EDAR: variants seen among roughly 807,000 people sequenced by gnomAD.
EDAR encodes tumor necrosis factor receptor superfamily member EDAR.
EDAR carries 38 observed loss-of-function variants against 51.3 expected under a neutral mutation model. The observed-to-expected ratio is 0.74, with a 90% confidence interval of 0.57 to 0.97. The LOEUF is 0.97. Among genes scored for constraint, EDAR ranks in the 50% least tolerant of loss-of-function variants. EDAR has a pLI of 0.00. For synonymous variants in EDAR, 227 were observed against 242.1 expected (o/e 0.94, Z 0.58); for missense variants, 528 against 595.0 (o/e 0.89, Z 1.17).
At chr2:108,962,906 G>T (rs1367106991) in intron 1 of EDAR, among the ~76,000 whole-genome samples, 1 of 152,110 alleles carries the variant, frequency 6.6e-6, no homozygotes, top group Non-Finnish European at 1.5e-5. Context: ...CAAGAGATCT[G>T]CAGACAATCC....
chr2:108,964,899 G>A (rs779821477), intron 1 of EDAR, among the ~76,000 whole-genome samples: 1 of 152,082 alleles, frequency 6.6e-6, no homozygotes, highest in African/African-American at 2.4e-5. Flanking sequence ...ATAACAGCAC[G>A]TCTGGAATAA....
At chr2:108,916,723 TGGG>T (rs1697035398) in intron 5 of EDAR, among the ~76,000 whole-genome samples, 2 of 152,064 alleles carry the variant, frequency 1.3e-5, no homozygotes, top group Non-Finnish European at 2.9e-5. Context: ...GGGGGCAAGA[TGGG>T]TGGGATGGTG....
intron 1 of EDAR, among the ~76,000 whole-genome samples, chr2:108,986,934 T>C (rs1698509453): frequency 6.6e-6 from 1 of 152,162 alleles, no homozygotes; most frequent in African/African-American, 2.4e-5. Context: ...AGTTAATTAA[T>C]GATACTATTG....
At chr2:108,910,676 C>A in intron 8 of EDAR, 100 bp downstream of exon 8, 1 of 1,456,780 alleles carries the variant, frequency 6.9e-7, no homozygotes, top group Non-Finnish European at 9.6e-7. Context: ...TATGGTTCAG[C>A]ATGTGAGAGC....
In EDAR at chr2:108,931,043, T is replaced by C. The variant is rs1272627346; in HGVS notation, c.-18-11A>G. 2.5e-6 allele frequency: 4 copies of C among 1,613,388 alleles called. No individual in the cohort carries two copies. Among genetic ancestry groups the C allele is most frequent in the East Asian group, 2.2e-5 (1 of 44,878 alleles). On this transcript the variant is annotated splice_polypyrimidine_tract_variant and intron_variant, in intron 1 of 11. Transcript: ENST00000258443. ...CTCCCAAGGGCTCACCTGAAAGACA[T>C]GCGTCATTAGCTGGGCACTGGCGGT...
intron 1 of EDAR, among the ~76,000 whole-genome samples, chr2:108,960,778 G>A (rs552879349): frequency 1.8e-4 from 27 of 152,242 alleles, no homozygotes; most frequent in African/African-American, 6.3e-4. Context: ...TATATCATAA[G>A]GAGTCATATC....
At chr2:108,955,486 A>G (rs908698950) in intron 1 of EDAR, among the ~76,000 whole-genome samples, 6 of 152,170 alleles carry the variant, frequency 3.9e-5, no homozygotes, top group African/African-American at 1.4e-4. Flanking sequence ...AGTGGCTCAC[A>G]CCTGTAATCC....
rs1223572016 is a variant in EDAR, at chr2:108,947,623, C to T, written c.-18-16591G>A. Among the ~76,000 whole-genome samples, 3 of 152,230 alleles carry T rather than the reference C, an allele frequency of 2.0e-5. No individual in the cohort carries two copies. The East Asian group carries it at 5.8e-4, about 29-fold the overall frequency. On this transcript the variant is annotated intron_variant, in intron 1 of 11. Coordinates refer to ENST00000258443, the MANE Select transcript of EDAR (RefSeq NM_022336.4). Reference sequence around the variant, plus strand: ...CAACACCAAGTGGAAGTTGCCAAGGCTTGGGACTTGCACCCTCTGAAGCAA... The same window carrying T: ...CAACACCAAGTGGAAGTTGCCAAGGTTTGGGACTTGCACCCTCTGAAGCAA...
intron 1 of EDAR, among the ~76,000 whole-genome samples, chr2:108,932,528 C>CAAAAAAAAAAAAAAAA (rs1171012818): frequency 2.6e-5 from 1 of 39,156 alleles, no homozygotes; most frequent in Admixed American, 2.6e-4. Flanking sequence ...GACTCTGTCT[C>CAAAAAAAAAAAAAAAA]AAAAAAAAAA....
At chr2:108,963,865 C>T (rs1698099925) in intron 1 of EDAR, among the ~76,000 whole-genome samples, 2 of 152,126 alleles carry the variant, frequency 1.3e-5, no homozygotes, top group African/African-American at 2.4e-5. Context: ...TGGAGAGACA[C>T]CCACACACTC....
chr2:108,914,121 A>G (rs1012454947), intron 5 of EDAR, among the ~76,000 whole-genome samples: 2 of 151,356 alleles, frequency 1.3e-5, no homozygotes, highest in Non-Finnish European at 2.9e-5. Flanking sequence ...TTAGCCAGGC[A>G]TGATGGCGCA....
At position 108,910,763 on chromosome 2, in the gene EDAR, C is replaced by G. The variant is rs1553445663; in HGVS notation, c.730+13G>C. The G allele has an allele frequency of 1.2e-6, 2 of 1,612,460 alleles. No individual in the cohort carries two copies. The highest frequency in any genetic ancestry group is 1.7e-6 in the Non-Finnish European group (2 of 1,179,966). On this transcript the variant is annotated intron_variant, in intron 8 of 11. Coordinates refer to ENST00000258443, the MANE Select transcript of EDAR (RefSeq NM_022336.4). ...ACCGTGCACATGGTGTGTGGAAGCCCTGGTTCACAGACCTGGGGCCTCTTT... is the reference window on the plus strand; with the variant it reads ...ACCGTGCACATGGTGTGTGGAAGCCGTGGTTCACAGACCTGGGGCCTCTTT...
intron 1 of EDAR, among the ~76,000 whole-genome samples, chr2:108,936,944 T>C (rs1168043116): frequency 1.3e-5 from 2 of 152,228 alleles, no homozygotes; most frequent in East Asian, 3.9e-4. Context: ...ATTTCCATTT[T>C]GCACTGGGTC....
In EDAR at chr2:108,929,186, G is replaced by T; in HGVS notation, c.356+12C>A. 6.2e-7 allele frequency: 1 copy of T among 1,613,748 alleles called. No homozygotes were observed. Among genetic ancestry groups the T allele is most frequent in the Non-Finnish European group, 8.5e-7 (1 of 1,179,948 alleles). ...AAGCATGCCAGGGTTTGCCAGGAGGGCCTGTGCTTACCCAGGGAGGCAAGG... is the reference window on the plus strand; with the variant it reads ...AAGCATGCCAGGGTTTGCCAGGAGGTCCTGTGCTTACCCAGGGAGGCAAGG... On this transcript the variant is annotated intron_variant, in intron 4 of 11. Coordinates refer to ENST00000258443, the MANE Select transcript of EDAR (RefSeq NM_022336.4).
chr2:108,934,111 G>A lies in EDAR; in HGVS notation c.-18-3079C>T, dbSNP rs187487635. Among the ~76,000 whole-genome samples the A allele has an allele frequency of 4.0e-3, 603 of 152,274 alleles. 2 individuals are homozygous for A. The highest frequency in any genetic ancestry group is 6.5e-3 in the Non-Finnish European group (444 of 68,020). The stretch of plus-strand genomic sequence containing the variant: ...CAACCAGGAGCACTTATCGAAAGGC[G>A]CAATTAAAACGTTCCCAGGTAAACC... On this transcript the variant is annotated intron_variant, in intron 1 of 11. Transcript: ENST00000258443.
intron 6 of EDAR, 30 bp downstream of exon 6, chr2:108,912,648 A>G (rs1440329546): frequency 1.3e-6 from 2 of 1,547,880 alleles, no homozygotes; most frequent in Admixed American, 3.8e-5. Context: ...ACCTAACTCC[A>G]GGTGATCGAT....
rs139788581 is a variant in EDAR, at chr2:108,965,060, T to C, written c.-19+23900A>G. ...ACTTTAATATTCCTCCAAACATTTT[T>C]TAACTATGCCACCCACTTAGAAAAG... On this transcript the variant is annotated intron_variant, in intron 1 of 11. Coordinates refer to ENST00000258443, the MANE Select transcript of EDAR (RefSeq NM_022336.4). 2.7e-3 allele frequency among the ~76,000 whole-genome samples: 412 copies of C among 152,296 alleles called. 4 individuals carry two copies. Among genetic ancestry groups the C allele is most frequent in the African/African-American group, 9.2e-3 (384 of 41,562 alleles).
intron 1 of EDAR, among the ~76,000 whole-genome samples, chr2:108,966,156 C>T (rs1429517375): frequency 1.3e-5 from 2 of 152,222 alleles, no homozygotes; most frequent in South Asian, 2.1e-4. Flanking sequence ...TTGAAGCAAG[C>T]CTCTCCTCCT....
chr2:108,918,952 G>A (rs2105421079), intron 5 of EDAR, among the ~76,000 whole-genome samples: 1 of 152,324 alleles, frequency 6.6e-6, no homozygotes, highest in African/African-American at 2.4e-5. Flanking sequence ...ACTGTGGGCA[G>A]ACTCGCAGAG....
Sources: allele counts gnomAD v4.1 joint callset (sites outside exome capture counted in the v4.1 genomes callset), GRCh38; gene constraint gnomAD v4.1.1; transcripts MANE v1.5; gene names NCBI Gene and HGNC (gene_info 2026-07-23, HGNC 2026-07-21).